Variants in TXLNA observed in about 807,000 individuals in gnomAD.
TXLNA encodes taxilin alpha.
In TXLNA, 9 loss-of-function variants were observed where a neutral mutation model predicts 61.4. The observed-to-expected ratio is 0.15, with a 90% CI of 0.09 to 0.26. The LOEUF (loss-of-function observed/expected upper bound fraction) is 0.26, where lower values mean the gene tolerates loss of function less well. TXLNA is among the 10% of genes least tolerant of loss of function. The probability of loss-of-function intolerance (pLI) is 1.00; values close to 1 mark genes in which losing one functional copy is unlikely to be tolerated. For synonymous variants in TXLNA, 257 were observed against 267.7 expected (o/e 0.96, Z 0.39); for missense variants, 565 against 688.8 (o/e 0.82, Z 2.01).
chr1:32,184,456 AGT>A, intron 3 of TXLNA, 67 bp from the exon 4 acceptor site: 1 of 999,902 alleles, frequency 1.0e-6, no homozygotes, highest in Non-Finnish European at 1.6e-6. Flanking sequence ...AGCACTCATG[AGT>A]GTGAGCCCAG....
At chr1:32,194,778 C>G in intron 10 of TXLNA, 124 bp from the exon 11 acceptor site, 1 of 1,213,012 alleles carries the variant, frequency 8.2e-7, no homozygotes, top group African/African-American at 1.5e-5. Context: ...AGGACTGTTT[C>G]CTAGAGGGGG....
intron 10 of TXLNA, among the ~76,000 whole-genome samples, chr1:32,194,455 G>C (rs1292918089): frequency 6.6e-6 from 1 of 152,212 alleles, no homozygotes; most frequent in African/African-American, 2.4e-5. Context: ...GGTAGTTTGT[G>C]ATTTCACAGC....
At chr1:32,194,323 G>A (rs1642968207) in intron 10 of TXLNA, among the ~76,000 whole-genome samples, 163 bp downstream of exon 10, 2 of 152,212 alleles carry the variant, frequency 1.3e-5, no homozygotes, top group South Asian at 4.1e-4. Context: ...CTCCCCATGG[G>A]AGGTGGTGAG....
intron 4 of TXLNA, among the ~76,000 whole-genome samples, chr1:32,187,592 CG>C (rs1456306515): frequency 2.0e-5 from 3 of 152,140 alleles, no homozygotes; most frequent in Admixed American, 6.5e-5. Flanking sequence ...GCACAAGGTA[CG>C]GTAGCAGGTG....
intron 3 of TXLNA, among the ~76,000 whole-genome samples, chr1:32,181,991 G>A (rs1238134608): frequency 1.3e-5 from 2 of 152,066 alleles, no homozygotes; most frequent in Admixed American, 6.5e-5. Flanking sequence ...GCATAAGCTG[G>A]GCTGGCCATG....
At chr1:32,182,534 C>T (rs550372492) in intron 3 of TXLNA, among the ~76,000 whole-genome samples, 11 of 151,792 alleles carry the variant, frequency 7.2e-5, no homozygotes, top group Non-Finnish European at 1.2e-4. Context: ...TGCTGGCACA[C>T]GCCTGTAATC....
chr1:32,180,164 C>T (rs1557496277), intron 1 of TXLNA, 150 bp from the exon 2 acceptor site: 1 of 776,342 alleles, frequency 1.3e-6, no homozygotes, highest in Non-Finnish European at 2.0e-6. Context: ...TCTCCTGACC[C>T]GCCAAGACCA....
chr1:32,180,595 C>A, intron 2 of TXLNA, 81 bp downstream of exon 2: 1 of 1,469,310 alleles, frequency 6.8e-7, no homozygotes, highest in Non-Finnish European at 9.1e-7. Context: ...CAGGCCGAGG[C>A]CAGGTTGTCC....
chr1:32,188,068 C>T lies in TXLNA; in HGVS notation c.712C>T (p.Arg238Cys), dbSNP rs748436764. Reference sequence around the variant, plus strand: ...TGAGCACAGCAAGGCCGTCCTGGCCCGCAGCAAGCTTGAGAGCCTATGCCG... The same window carrying T: ...TGAGCACAGCAAGGCCGTCCTGGCCTGCAGCAAGCTTGAGAGCCTATGCCG... ...RGEHSKAVLA[R>C]SKLESLCREL... Residue 238 changes from arginine (R) to cysteine (C), a missense_variant, in exon 5 of 11, where the codon CGC becomes TGC. Arg to Cys is a radical substitution (Grantham distance 180). Coordinates refer to ENST00000373610, the MANE Select transcript of TXLNA (RefSeq NM_175852.4). 7 of 1,593,554 alleles carry T rather than the reference C, an allele frequency of 4.4e-6. No homozygotes were observed. The highest frequency in any genetic ancestry group is 2.3e-5 in the East Asian group (1 of 44,210).
Position 32,192,499 on chromosome 1 carries a change from G to A in TXLNA, c.1083+69G>A, listed in dbSNP as rs961715156. ...AGGCTGGGCTCTGGCTCAGCTCATAGCCGGGTTATATGGGAGAAGTCTGGC... is the reference window on the plus strand; with the variant it reads ...AGGCTGGGCTCTGGCTCAGCTCATAACCGGGTTATATGGGAGAAGTCTGGC... On this transcript the variant is annotated intron_variant, in intron 7 of 10. Coordinates refer to ENST00000373610, the MANE Select transcript of TXLNA (RefSeq NM_175852.4). The surrounding 1 kb of genome is among the most constrained non-coding windows in gnomAD (Gnocchi z 4.2). 135 of 1,603,522 alleles carry A rather than the reference G, an allele frequency of 8.4e-5. No homozygotes were observed. The highest frequency in any genetic ancestry group is 1.1e-4 in the Non-Finnish European group (128 of 1,173,134).
At chr1:32,191,675 C>A (rs1483568553) in intron 6 of TXLNA, among the ~76,000 whole-genome samples, 2 of 152,152 alleles carry the variant, frequency 1.3e-5, no homozygotes, top group Non-Finnish European at 2.9e-5. Flanking sequence ...CTCATCATAC[C>A]CAAACTGGAC....
chr1:32,189,057 C>T (rs548290493), intron 5 of TXLNA, among the ~76,000 whole-genome samples: 67 of 152,178 alleles, frequency 4.4e-4, no homozygotes, highest in Admixed American at 6.5e-4. Context: ...CTTTACATAA[C>T]ATTTTTCCCT....
chr1:32,186,093 A>G (rs1642784406), intron 4 of TXLNA, among the ~76,000 whole-genome samples: 1 of 152,244 alleles, frequency 6.6e-6, no homozygotes, highest in South Asian at 2.1e-4. Flanking sequence ...GGAATGTCAT[A>G]CCTGCCTAAT....
intron 8 of TXLNA, 72 bp from the exon 9 acceptor site, chr1:32,193,136 G>A: frequency 3.2e-6 from 3 of 938,902 alleles, no homozygotes; most frequent in African/African-American, 3.2e-5. Context: ...GTCAAGGACG[G>A]GTCTGAGTGT....
Position 32,180,337 on chromosome 1 carries a change from C to G in TXLNA, c.-9C>G. The stretch of plus-strand genomic sequence containing the variant: ...AGGATCTTCTCCTGACCCAGCATCG[C>G]TCATCACAATGAAGAACCAAGACAA... On this transcript the variant is annotated 5_prime_UTR_variant, in exon 2 of 11. Coordinates refer to ENST00000373610, the MANE Select transcript of TXLNA (RefSeq NM_175852.4). 1 of 1,605,572 alleles carries G rather than the reference C, an allele frequency of 6.2e-7. No homozygotes were observed. The highest frequency in any genetic ancestry group is 8.5e-7 in the Non-Finnish European group (1 of 1,177,128).
At chr1:32,181,884 ACCTTGGGTGTGTC>A (rs576631462) in intron 3 of TXLNA, among the ~76,000 whole-genome samples, 7 of 152,210 alleles carry the variant, frequency 4.6e-5, no homozygotes, top group African/African-American at 1.7e-4. Flanking sequence ...CTGCTGTGTG[ACCTTGGGTGTGTC>A]CCTTCTCCTC....
intron 10 of TXLNA, 26 bp downstream of exon 10, chr1:32,194,186 G>A (rs746099226): frequency 4.4e-6 from 7 of 1,595,118 alleles, no homozygotes; most frequent in Non-Finnish European, 6.0e-6. Context: ...TCTGCAGCCA[G>A]GGTGGGGGTG....
Position 32,194,892 on chromosome 1 carries a change from C to A in TXLNA, c.1348-10C>A, listed in dbSNP as rs199575154. On this transcript the variant is annotated splice_polypyrimidine_tract_variant and intron_variant, in intron 10 of 10. Coordinates refer to ENST00000373610, the MANE Select transcript of TXLNA (RefSeq NM_175852.4). ...GGGCACGGCACTGAAGGTCTCATTT[C>A]TTTCCCTAGAAAACAGTCCGGGATA... is the stretch of plus-strand genomic sequence containing the variant. The A allele has an allele frequency of 1.5e-4, 240 of 1,593,096 alleles. No homozygotes were observed. In the African/African-American group the frequency reaches 2.9e-3, roughly 19 times the overall value.
At chr1:32,184,813 T>C in intron 4 of TXLNA, among the ~76,000 whole-genome samples, 197 bp downstream of exon 4, 1 of 152,220 alleles carries the variant, frequency 6.6e-6, no homozygotes, top group Non-Finnish European at 1.5e-5. Context: ...GCATATTCCT[T>C]GAAAGAAATT....
Sources: gnomAD v4.1 joint callset for allele counts (sites outside exome capture counted in the v4.1 genomes callset) on GRCh38, gnomAD v4.1.1 for gene constraint, Gnocchi (gnomAD v3.1) non-coding constraint, MANE v1.5 for transcripts, NCBI Gene and HGNC (gene_info 2026-07-23, HGNC 2026-07-21) for gene names.